TLL1: variants seen among roughly 807,000 people sequenced by gnomAD.
TLL1 encodes tolloid like 1.
A neutral mutation model predicts 128.2 loss-of-function variants in TLL1; 49 were observed. The observed-to-expected ratio is 0.38, with a 90% CI of 0.30 to 0.48. The LOEUF is 0.48. Among genes scored for constraint, TLL1 ranks in the 20% least tolerant of loss-of-function variants. The probability of loss-of-function intolerance (pLI) is 0.96; values close to 1 mark genes in which losing one functional copy is unlikely to be tolerated. For missense variants in TLL1, 1,123 were observed against 1,242.0 expected (o/e 0.90, Z 1.44); for synonymous variants, 454 against 418.8 (o/e 1.08, Z -1.03).
intron 9 of TLL1, among the ~76,000 whole-genome samples, chr4:166,028,351 C>T (rs913738292): frequency 4.6e-5 from 7 of 151,966 alleles, no homozygotes; most frequent in African/African-American, 1.7e-4. Flanking sequence ...TTCAATCATC[C>T]TTTTCCTATT....
intron 1 of TLL1, among the ~76,000 whole-genome samples, chr4:165,891,032 T>C (rs1166017332): frequency 6.6e-6 from 1 of 152,134 alleles, no homozygotes; most frequent in Non-Finnish European, 1.5e-5. Flanking sequence ...CCACCACATA[T>C]AAGCCACCAA....
intron 1 of TLL1, among the ~76,000 whole-genome samples, chr4:165,903,120 C>A (rs369449690): frequency 6.6e-6 from 1 of 152,098 alleles, no homozygotes; most frequent in Non-Finnish European, 1.5e-5. Flanking sequence ...ACGCAGATCA[C>A]CTGAGGTCAG....
chr4:165,985,570 C>G (rs543725481), intron 1 of TLL1, among the ~76,000 whole-genome samples: 1 of 152,042 alleles, frequency 6.6e-6, no homozygotes, highest in African/African-American at 2.4e-5. Flanking sequence ...TCAGAAATCA[C>G]AAACTTAAAG....
chr4:165,899,677 G>T (rs993886974), intron 1 of TLL1, among the ~76,000 whole-genome samples: 1 of 152,158 alleles, frequency 6.6e-6, no homozygotes, highest in Non-Finnish European at 1.5e-5. Context: ...GTGATGTGGT[G>T]CTGAGAAGAA....
chr4:166,091,591 T>C (rs1244708280), intron 19 of TLL1, among the ~76,000 whole-genome samples: 1 of 152,110 alleles, frequency 6.6e-6, no homozygotes, highest in Admixed American at 6.6e-5. Flanking sequence ...AGTAGAACAG[T>C]GCAGTTTGTT....
chr4:165,933,818 A>C (rs1229284372), intron 1 of TLL1, among the ~76,000 whole-genome samples: 2 of 152,094 alleles, frequency 1.3e-5, no homozygotes, highest in Non-Finnish European at 2.9e-5. Context: ...ATGTCCGAGC[A>C]GCTCCCCTCC....
chr4:165,963,828 G>A (rs1579552712), intron 1 of TLL1, among the ~76,000 whole-genome samples: 1 of 152,294 alleles, frequency 6.6e-6, no homozygotes, highest in East Asian at 1.9e-4. Flanking sequence ...GTATGGACCT[G>A]ATGAAGTGAA....
At chr4:166,099,784 T>C (rs185258395) in intron 20 of TLL1, among the ~76,000 whole-genome samples, 53 of 152,280 alleles carry the variant, frequency 3.5e-4, no homozygotes, top group African/African-American at 1.2e-3. Flanking sequence ...ACTTTTCCAT[T>C]GTTCTAACTT....
At chr4:165,898,009 C>T (rs1323566352) in intron 1 of TLL1, among the ~76,000 whole-genome samples, 2 of 152,108 alleles carry the variant, frequency 1.3e-5, no homozygotes, top group Admixed American at 6.5e-5. Context: ...TGGGAGTTCA[C>T]TCATGATTTG....
intron 1 of TLL1, among the ~76,000 whole-genome samples, chr4:165,954,013 T>C (rs917845396): frequency 2.0e-5 from 3 of 152,176 alleles, no homozygotes; most frequent in Non-Finnish European, 4.4e-5. Flanking sequence ...ATGGCTGAAT[T>C]CCTAATTTGG....
rs116237096 is a variant in TLL1, at chr4:166,081,614, G to A, written c.2442+3584G>A. 4.6e-3 allele frequency among the ~76,000 whole-genome samples: 700 copies of A among 152,214 alleles called. 6 individuals are homozygous for A. The highest frequency in any genetic ancestry group is 0.016 in the African/African-American group (670 of 41,548). ...TTATCAGAATGCTTTTCACCTGGCT[G>A]TATGATACCAACATCTCTTCCTCTT... is the stretch of plus-strand genomic sequence containing the variant. On this transcript the variant is annotated intron_variant, in intron 18 of 20. Coordinates refer to ENST00000061240, the MANE Select transcript of TLL1 (RefSeq NM_012464.5).
chr4:165,943,704 A>G (rs1734120943), intron 1 of TLL1, among the ~76,000 whole-genome samples: 1 of 152,236 alleles, frequency 6.6e-6, no homozygotes, highest in Admixed American at 6.5e-5. Context: ...CATCACTTAA[A>G]GCCATGAAAA....
chr4:166,093,817 T>C (rs1248826655), intron 19 of TLL1, among the ~76,000 whole-genome samples: 1 of 152,128 alleles, frequency 6.6e-6, no homozygotes, highest in Non-Finnish European at 1.5e-5. Flanking sequence ...GGCGATGACT[T>C]TTACCAAGCA....
At chr4:166,016,911 CT>C (rs1737977531) in intron 8 of TLL1, among the ~76,000 whole-genome samples, 1 of 151,710 alleles carries the variant, frequency 6.6e-6, no homozygotes, top group Non-Finnish European at 1.5e-5. Context: ...TTGGGAATGA[CT>C]TTTTCTTCTA....
chr4:165,999,608 CA>C (rs1303449476), intron 5 of TLL1, among the ~76,000 whole-genome samples: 2 of 151,672 alleles, frequency 1.3e-5, no homozygotes, highest in Non-Finnish European at 2.9e-5. Flanking sequence ...AGAGTCAAAC[CA>C]TATCAGCCAC....
chr4:166,030,834 A>G, intron 9 of TLL1: 1 of 1,011,614 alleles, frequency 9.9e-7, no homozygotes, highest in Non-Finnish European at 1.2e-6. Context: ...TATTTTTTAA[A>G]TTAGCGTTTT....
chr4:165,994,327 T>C (rs1265673961), intron 3 of TLL1, 54 bp from the exon 4 acceptor site: 1 of 1,610,262 alleles, frequency 6.2e-7, no homozygotes, highest in East Asian at 2.2e-5. Context: ...AAGAGGTAAA[T>C]GATTCCCTGA....
chr4:166,089,444 C>T (rs1440580786), intron 18 of TLL1, among the ~76,000 whole-genome samples: 2 of 152,106 alleles, frequency 1.3e-5, no homozygotes, highest in African/African-American at 4.8e-5. Context: ...AATACATTGA[C>T]AGGTTTATGC....
intron 1 of TLL1, among the ~76,000 whole-genome samples, chr4:165,902,769 A>G (rs1219442525): frequency 1.3e-5 from 2 of 152,206 alleles, no homozygotes; most frequent in African/African-American, 4.8e-5. Flanking sequence ...TGAGGCTGGA[A>G]CAATTGGATA....
Sources: allele counts gnomAD v4.1 joint callset (sites outside exome capture counted in the v4.1 genomes callset), GRCh38; gene constraint gnomAD v4.1.1; transcripts MANE v1.5; gene names NCBI Gene and HGNC (gene_info 2026-07-23, HGNC 2026-07-21).